PLD5: variants seen among roughly 807,000 people sequenced by gnomAD.
The protein encoded by PLD5 is inactive phospholipase D5.
In PLD5, 36 loss-of-function variants were observed where a neutral mutation model predicts 61.1. The observed-to-expected ratio is 0.59, with a 90% CI of 0.45 to 0.78. PLD5 has a LOEUF of 0.78. PLD5 is among the 30% of genes least tolerant of loss of function. The pLI, the probability that PLD5 is intolerant of heterozygous loss-of-function variation, is 0.00. For synonymous variants in PLD5, 243 were observed against 242.8 expected (o/e 1.00, Z -0.01); for missense variants, 515 against 644.4 (o/e 0.80, Z 2.17).
At chr1:242,091,667 C>T (rs1659834428) in intron 9 of PLD5, among the ~76,000 whole-genome samples, 1 of 152,096 alleles carries the variant, frequency 6.6e-6, no homozygotes, top group Admixed American at 6.6e-5. Flanking sequence ...TAAATTTTGT[C>T]ATGCTGTCAG....
Position 242,095,287 on chromosome 1 carries a change from C to T in PLD5, c.1355-5177G>A, listed in dbSNP as rs143886596. Among the ~76,000 whole-genome samples the T allele has an allele frequency of 4.3e-3, 649 of 152,236 alleles. 2 individuals are homozygous for T. Among genetic ancestry groups the T allele is most frequent in the Non-Finnish European group, 6.6e-3 (452 of 68,016 alleles). On this transcript the variant is annotated intron_variant, in intron 9 of 9. Transcript: ENST00000536534. ...ACTCTGTCTTCCCCAGGCTGGAGTG[C>T]ACTGATGGGATCTTGGCTTACTGCA...
intron 1 of PLD5, among the ~76,000 whole-genome samples, chr1:242,443,218 T>G (rs994582705): frequency 2.6e-5 from 4 of 152,154 alleles, no homozygotes; most frequent in Non-Finnish European, 5.9e-5. Context: ...ATATATTAAA[T>G]ATATTTTATA....
rs1436246343 is a variant in PLD5, at chr1:242,298,942, T to C, written c.327-10412A>G. Among the ~76,000 whole-genome samples, 3 of 151,872 alleles carry C rather than the reference T, an allele frequency of 2.0e-5. No homozygotes were observed. The East Asian group carries it at 5.8e-4, about 29-fold the overall frequency. ...GTTGATATTTCACTAATATAAGATG[T>C]GGCAAAGGAGCAGGGACCTCATTAA... On this transcript the variant is annotated intron_variant, in intron 2 of 9. Transcript: ENST00000536534.
intron 1 of PLD5, among the ~76,000 whole-genome samples, chr1:242,349,048 C>T (rs1363165503): frequency 6.6e-6 from 1 of 152,100 alleles, no homozygotes; most frequent in South Asian, 2.1e-4. Flanking sequence ...AGCGAGACTC[C>T]ATCTCAAACA....
chr1:242,491,968 G>T (rs1668167578), intron 1 of PLD5, among the ~76,000 whole-genome samples: 1 of 152,104 alleles, frequency 6.6e-6, no homozygotes, highest in Non-Finnish European at 1.5e-5. Flanking sequence ...ATTTATCACA[G>T]GCTTGAAATT....
intron 5 of PLD5, among the ~76,000 whole-genome samples, chr1:242,179,681 T>A (rs1667391875): frequency 6.6e-6 from 1 of 152,114 alleles, no homozygotes; most frequent in Non-Finnish European, 1.5e-5. Flanking sequence ...GGCGGGCAGA[T>A]CACTTGAGGT....
At chr1:242,271,621 A>G (rs928901219) in intron 3 of PLD5, among the ~76,000 whole-genome samples, 1 of 152,032 alleles carries the variant, frequency 6.6e-6, no homozygotes, top group Non-Finnish European at 1.5e-5. Flanking sequence ...CACACTCAAG[A>G]ATGTTACCTG....
At chr1:242,281,176 A>G (rs1674698257) in intron 3 of PLD5, among the ~76,000 whole-genome samples, 1 of 152,240 alleles carries the variant, frequency 6.6e-6, no homozygotes, top group Non-Finnish European at 1.5e-5. Flanking sequence ...TCATTTACAA[A>G]TGAATCGTAA....
At chr1:242,488,589 G>A (rs1480671271) in intron 1 of PLD5, among the ~76,000 whole-genome samples, 1 of 152,202 alleles carries the variant, frequency 6.6e-6, no homozygotes, top group African/African-American at 2.4e-5. Flanking sequence ...GCTCAGGGGA[G>A]GAAGGGATGA....
chr1:242,481,845 C>G (rs892850921), intron 1 of PLD5, among the ~76,000 whole-genome samples: 1 of 152,206 alleles, frequency 6.6e-6, no homozygotes, highest in Admixed American at 6.5e-5. Context: ...CGGCCAGGTA[C>G]TCCTCTCAGA....
At chr1:242,337,970 A>G (rs1659623523) in intron 2 of PLD5, among the ~76,000 whole-genome samples, 1 of 152,126 alleles carries the variant, frequency 6.6e-6, no homozygotes, top group Admixed American at 6.5e-5. Flanking sequence ...TTAGACTCAC[A>G]GTTCAAAGTT....
intron 2 of PLD5, among the ~76,000 whole-genome samples, chr1:242,346,887 A>G (rs1336943749): frequency 6.6e-6 from 1 of 152,158 alleles, no homozygotes; most frequent in East Asian, 1.9e-4. Flanking sequence ...GCTCCCACTT[A>G]TAAGTCAGAA....
intron 4 of PLD5, among the ~76,000 whole-genome samples, chr1:242,238,951 C>T (rs188900329): frequency 4.6e-5 from 7 of 152,236 alleles, no homozygotes; most frequent in Admixed American, 1.3e-4. Flanking sequence ...TGTAGCATAT[C>T]CCAGTTCAAG....
intron 5 of PLD5, among the ~76,000 whole-genome samples, chr1:242,134,076 G>A (rs537241775): frequency 2.2e-4 from 33 of 152,242 alleles, no homozygotes; most frequent in South Asian, 8.3e-4. Flanking sequence ...CAAATCCCTC[G>A]AAGAATCTAT....
At chr1:242,115,358 C>G (rs1358062160) in intron 6 of PLD5, among the ~76,000 whole-genome samples, 1 of 152,100 alleles carries the variant, frequency 6.6e-6, no homozygotes, top group Admixed American at 6.6e-5. Flanking sequence ...TTCTTCCTAT[C>G]TTGCTGTTAT....
intron 4 of PLD5, among the ~76,000 whole-genome samples, chr1:242,252,132 A>G (rs1005040309): frequency 6.6e-6 from 1 of 152,134 alleles, no homozygotes; most frequent in Middle Eastern, 3.2e-3. Context: ...TGAGAAAGGG[A>G]TGGAAGGAAA....
intron 4 of PLD5, among the ~76,000 whole-genome samples, chr1:242,253,017 A>G (rs1380467862): frequency 1.3e-5 from 2 of 150,528 alleles, no homozygotes; most frequent in African/African-American, 2.4e-5. Context: ...CGGTTTTACC[A>G]TGTTGCTCAG....
intron 2 of PLD5, among the ~76,000 whole-genome samples, chr1:242,295,348 G>C (rs1005484931): frequency 3.3e-5 from 5 of 152,106 alleles, no homozygotes; most frequent in Non-Finnish European, 7.4e-5. Flanking sequence ...CCTTGCCTTG[G>C]ATACCCATTG....
chr1:242,450,292 C>T (rs1222950588), intron 1 of PLD5, among the ~76,000 whole-genome samples: 2 of 152,196 alleles, frequency 1.3e-5, no homozygotes, highest in East Asian at 3.8e-4. Flanking sequence ...TGTTTACTTG[C>T]CTTTCCTTCG....
Sources: gnomAD v4.1 joint callset for allele counts (sites outside exome capture counted in the v4.1 genomes callset) on GRCh38, gnomAD v4.1.1 for gene constraint, MANE v1.5 for transcripts, NCBI Gene and HGNC (gene_info 2026-07-23, HGNC 2026-07-21) for gene names.